Variants in OTOP3 observed in about 807,000 individuals in gnomAD.
OTOP3 encodes the protein proton channel OTOP3.
In OTOP3, 41 loss-of-function variants were observed where a neutral mutation model predicts 50.8. The ratio of observed to expected loss-of-function variants is 0.81; its 90% CI spans 0.63 to 1.05. The LOEUF is 1.05. Among genes scored for constraint, OTOP3 ranks in the 50% least tolerant of loss-of-function variants. The pLI is 0.00. For missense variants in OTOP3, 788 were observed against 760.8 expected (o/e 1.04, Z -0.42); for synonymous variants, 320 against 324.4 (o/e 0.99, Z 0.14).
At chr17:74,948,517 A>G (rs1289787161) in intron 6 of OTOP3, among the ~76,000 whole-genome samples, 6 of 152,124 alleles carry the variant, frequency 3.9e-5, no homozygotes, top group Non-Finnish European at 7.4e-5. Flanking sequence ...AAAATTAGCC[A>G]GGCATGGTGG....
rs911310196 is a variant in OTOP3 at position 74,949,784 on chromosome 17, C to T, written c.*368C>T. 8.9e-5 allele frequency: 17 copies of T among 190,334 alleles called. No individual in the cohort carries two copies. In the East Asian group the frequency reaches 2.3e-3, roughly 26 times the overall value. 11.8% of individuals were successfully genotyped at this position (190,334 alleles called of 1,614,324 possible). On this transcript the variant is annotated 3_prime_UTR_variant, in exon 7 of 7. Coordinates refer to ENST00000328801, the MANE Select transcript of OTOP3 (RefSeq NM_001272005.2). ...GGAGCTTGGCGAGGGGCACCCCTCT[C>T]CAGCCAGGACTCAGAGGTCTGCCCC...
intron 6 of OTOP3, 33 bp from the exon 7 acceptor site, chr17:74,949,213 C>G: frequency 6.2e-7 from 1 of 1,605,670 alleles, no homozygotes; most frequent in African/African-American, 1.3e-5. Context: ...CACAGGAGAG[C>G]CCTTCCCTAA....
chr17:74,939,984 C>T (rs1450143915), intron 1 of OTOP3, among the ~76,000 whole-genome samples: 2 of 151,962 alleles, frequency 1.3e-5, no homozygotes, highest in Non-Finnish European at 2.9e-5. Context: ...TCATAGCTCA[C>T]TGCAACCTTG....
intron 5 of OTOP3, among the ~76,000 whole-genome samples, chr17:74,945,291 C>T (rs183236863): frequency 8.5e-5 from 13 of 152,302 alleles, no homozygotes; most frequent in African/African-American, 3.1e-4. Flanking sequence ...TGTATTCCCC[C>T]ACATGACCAC....
rs1444337850 is a variant in OTOP3 at position 74,941,563 on chromosome 17, C to T, written c.190C>T (p.Gln64Ter). 3 of 1,611,220 alleles carry T rather than the reference C, an allele frequency of 1.9e-6. No homozygotes were observed. Among genetic ancestry groups the T allele is most frequent in the East Asian group, 2.2e-5 (1 of 44,876 alleles). ...CTCTCTGCTGCTGCGGCGGGACCGG[C>T]AGGCCCAGAAGGCTGGACAACTCTT... is the stretch of plus-strand genomic sequence containing the variant. ...HFSLLLRRDR[Q>*]AQKAGQLFSG... The change falls in exon 2 of 7, where the codon CAG becomes TAG. Residue 64 changes from glutamine to a stop codon, truncating the protein, a stop_gained. Coordinates refer to ENST00000328801, the MANE Select transcript of OTOP3 (RefSeq NM_001272005.2). LOFTEE classifies it high-confidence loss of function.
At chr17:74,944,522 C>T (rs1433622789) in intron 5 of OTOP3, among the ~76,000 whole-genome samples, 2 of 152,262 alleles carry the variant, frequency 1.3e-5, no homozygotes, top group East Asian at 1.9e-4. Flanking sequence ...TTTGGGAGGC[C>T]GAGGCAGGCA....
chr17:74,942,158 G>A, intron 3 of OTOP3, 121 bp downstream of exon 3: 1 of 1,291,664 alleles, frequency 7.7e-7, no homozygotes, highest in Non-Finnish European at 1.0e-6. Context: ...AATGTCCCAG[G>A]GTCTTTGCAC....
At position 74,947,133 on chromosome 17, in the gene OTOP3, G is replaced by A. The variant is rs779053497; in HGVS notation, c.1224G>A (p.Gln408=). Residue 408 remains glutamine (Q), a synonymous_variant, in exon 6 of 7, where the codon CAG becomes CAA. Coordinates refer to ENST00000328801, the MANE Select transcript of OTOP3 (RefSeq NM_001272005.2). ...TGCTAATGGGTGCTGCACTGGGCCA[G>A]ATGGGCATCGCCTATTTCTCCATCG... is the stretch of plus-strand genomic sequence containing the variant. ...VVLLMGAALG[Q]MGIAYFSIVA... 6.2e-7 allele frequency: 1 copy of A among 1,614,140 alleles called. No homozygotes were observed. Among genetic ancestry groups the A allele is most frequent in the South Asian group, 1.1e-5 (1 of 91,090 alleles).
At chr17:74,947,579 G>A (rs570841858) in intron 6 of OTOP3, 104 bp downstream of exon 6, 13 of 1,107,550 alleles carry the variant, frequency 1.2e-5, no homozygotes, top group Admixed American at 5.7e-5. Context: ...TTTCCAACTA[G>A]CTTGATGCTG....
chr17:74,941,779 G>A lies in OTOP3; in HGVS notation c.406G>A (p.Asp136Asn). ...TRRPHAVLYQ[D>N]PHAGPLWVRG... ...CCGACCACACGCCGTGCTCTACCAAGATCCCCACGCGGGGCCCCTCTGGGT... is the reference window on the plus strand; with the variant it reads ...CCGACCACACGCCGTGCTCTACCAAAATCCCCACGCGGGGCCCCTCTGGGT... The change falls in exon 2 of 7, where the codon GAT becomes AAT. Residue 136 changes from aspartate (D) to asparagine (N), a missense_variant. By Grantham distance (23) the Asp-to-Asn change is conservative (BLOSUM62 1). Transcript: ENST00000328801. 1 of 1,612,444 alleles carries A rather than the reference G, an allele frequency of 6.2e-7. No individual in the cohort carries two copies. The highest frequency in any genetic ancestry group is 1.1e-5 in the South Asian group (1 of 91,026).
At chr17:74,943,408 G>T (rs2039196038) in intron 4 of OTOP3, 64 bp downstream of exon 4, 2 of 1,554,772 alleles carry the variant, frequency 1.3e-6, no homozygotes, top group East Asian at 2.2e-5. Flanking sequence ...TCCCTGGTCA[G>T]GGTGGCCGCG....
intron 1 of OTOP3, among the ~76,000 whole-genome samples, chr17:74,939,638 A>C (rs926085923): frequency 6.6e-6 from 1 of 152,218 alleles, no homozygotes; most frequent in South Asian, 2.1e-4. Flanking sequence ...GGCCTGTGTG[A>C]ATGCTTGGGA....
At chr17:74,941,222 C>T (rs1385475398) in intron 1 of OTOP3, among the ~76,000 whole-genome samples, 171 bp from the exon 2 acceptor site, 1 of 152,162 alleles carries the variant, frequency 6.6e-6, no homozygotes, top group African/African-American at 2.4e-5. Context: ...CTGTTTGAAC[C>T]TCCTCAGGTC....
rs200913785 is a variant in OTOP3 at position 74,947,049 on chromosome 17, G to A, written c.1140G>A (p.Gly380=). Residue 380 remains glycine (G), a synonymous_variant, in exon 6 of 7, where the codon GGG becomes GGA. Transcript: ENST00000328801. The part of the protein sequence containing the change: ...LACLAGTAIH[G]LEERELDTVK... ...GCCTGGCGGGCACAGCCATACACGG[G>A]CTGGAGGAGAGAGAGCTGGACACGG... 272 of 1,614,058 alleles carry A rather than the reference G, an allele frequency of 1.7e-4. 5 individuals carry two copies. In the East Asian group the frequency reaches 6.0e-3, roughly 36 times the overall value.
chr17:74,946,615 A>C, intron 5 of OTOP3, 46 bp from the exon 6 acceptor site: 7 of 1,525,986 alleles, frequency 4.6e-6, no homozygotes, highest in Non-Finnish European at 6.2e-6. Flanking sequence ...TCCTCAGAGC[A>C]GAGCCTGCCT....
Position 74,943,326 on chromosome 17 carries a change from T to G in OTOP3, c.614T>G (p.Val205Gly). Reference sequence around the variant, plus strand: ...AAACACTGCAAAGACTGTGTTCGGGTCCAGACCAACTTCACTAGGTAAGAC... The same window carrying G: ...AAACACTGCAAAGACTGTGTTCGGGGCCAGACCAACTTCACTAGGTAAGAC... ...LWKHCKDCVR[V>G]QTNFTRCGLM... Residue 205 changes from valine to glycine, a missense_variant, in exon 4 of 7, where the codon GTC (valine) becomes GGC (glycine). Transcript: ENST00000328801. The G allele has an allele frequency of 6.2e-7, 1 of 1,614,106 alleles. No homozygotes were observed.
Position 74,949,355 on chromosome 17 carries a change from T to TG in OTOP3, c.1681dup (p.Val561GlyfsTer66), listed in dbSNP as rs1025616879. The TG allele has an allele frequency of 5.0e-6, 8 of 1,613,948 alleles. No homozygotes were observed. Among genetic ancestry groups the TG allele is most frequent in the African/African-American group, 1.3e-5 (1 of 74,922 alleles). Reference sequence around the variant, plus strand: ...GCCATCGTCAACTTCGGCCTGCCTCTGGGGGTCTTCTACCGCATGCACTCT... The same window carrying TG: ...GCCATCGTCAACTTCGGCCTGCCTCTGGGGGGTCTTCTACCGCATGCACTCT... On this transcript the variant is annotated frameshift_variant, in exon 7 of 7. Coordinates refer to ENST00000328801, the MANE Select transcript of OTOP3 (RefSeq NM_001272005.2). LOFTEE classifies it high-confidence loss of function.
At chr17:74,948,210 G>A (rs1034526768) in intron 6 of OTOP3, among the ~76,000 whole-genome samples, 5 of 152,190 alleles carry the variant, frequency 3.3e-5, no homozygotes, top group Non-Finnish European at 7.3e-5. Context: ...CAGGAAGGTA[G>A]GAGGGGGCAG....
At position 74,947,466 on chromosome 17, in the gene OTOP3, C is replaced by T. The variant is rs143623443; in HGVS notation, c.1557C>T (p.Cys519=). ...LKEISLFLIL[C]NITLWMMPAF... The stretch of plus-strand genomic sequence containing the variant: ...AGATCTCACTCTTCCTCATCCTCTG[C>T]AATATCACAGTAAGTGGCTGGGCTA... The change falls in exon 6 of 7, where the codon TGC becomes TGT. Residue 519 remains cysteine (C), a synonymous_variant. Transcript: ENST00000328801. The T allele has an allele frequency of 6.3e-4, 1,003 of 1,598,442 alleles. 11 individuals carry two copies. The African/African-American group carries it at 0.012, about 20-fold the overall frequency.
Sources: allele counts gnomAD v4.1 joint callset (sites outside exome capture counted in the v4.1 genomes callset), GRCh38; gene constraint gnomAD v4.1.1; transcripts MANE v1.5; gene names NCBI Gene and HGNC (gene_info 2026-07-23, HGNC 2026-07-21).